The following PCDHA9 variants were observed in gnomAD, a reference collection of about 807,000 sequenced individuals.
PCDHA9 encodes protocadherin alpha-9.
In PCDHA9, 62 loss-of-function variants were observed where a neutral mutation model predicts 62.0. The observed-to-expected ratio is 1.00, with a 90% CI of 0.81 to 1.23. The LOEUF (loss-of-function observed/expected upper bound fraction) is 1.23, where lower values mean the gene tolerates loss of function less well. Ranked by LOEUF, PCDHA9 falls within the 50% of genes most tolerant of loss-of-function variation. The pLI, the probability that PCDHA9 is intolerant of heterozygous loss-of-function variation, is 0.00. For missense variants in PCDHA9, 1,205 were observed against 1,249.8 expected (o/e 0.96, Z 0.54); for synonymous variants, 557 against 567.6 (o/e 0.98, Z 0.27).
chr5:140,929,508 A>C (rs1200880949), intron 1 of PCDHA9: 3 of 831,290 alleles, frequency 3.6e-6, no homozygotes, highest in Non-Finnish European at 5.1e-6. Context: ...CCTAGGCCTC[A>C]AGGGACTTAT....
At chr5:140,884,812 G>C in intron 1 of PCDHA9, 2 of 1,117,104 alleles carry the variant, frequency 1.8e-6, no homozygotes, top group Non-Finnish European at 2.5e-6. Flanking sequence ...ACTCTGCTGT[G>C]GACATTATGT....
chr5:140,875,410 ATACC>A (rs1259407256), intron 1 of PCDHA9: 2 of 1,502,000 alleles, frequency 1.3e-6, no homozygotes, highest in Non-Finnish European at 1.8e-6. Context: ...TGCTCATAAA[ATACC>A]TCAGGCAAGC....
chr5:140,967,779 C>G, intron 1 of PCDHA9: 1 of 1,614,222 alleles, frequency 6.2e-7, no homozygotes, highest in Non-Finnish European at 8.5e-7. Flanking sequence ...GTGCAGGCGA[C>G]TGACCGGGGT....
chr5:140,992,418 A>G (rs2097510878), intron 3 of PCDHA9, among the ~76,000 whole-genome samples: 1 of 152,164 alleles, frequency 6.6e-6, no homozygotes, highest in South Asian at 2.1e-4. Flanking sequence ...CCCCAGGTCT[A>G]AGAATATTGT....
At chr5:140,877,108 G>C in intron 1 of PCDHA9, 1 of 1,613,542 alleles carries the variant, frequency 6.2e-7, no homozygotes. Context: ...GCCGCCTCTG[G>C]GCAGCAACGT....
At chr5:140,870,732 T>A (rs782731773) in intron 1 of PCDHA9, 10 of 1,613,288 alleles carry the variant, frequency 6.2e-6, no homozygotes, top group East Asian at 2.2e-5. Flanking sequence ...GCGTGCCGCC[T>A]CTGAGCAGCA....
At chr5:140,920,323 T>C (rs1448405138) in intron 1 of PCDHA9, among the ~76,000 whole-genome samples, 3 of 152,212 alleles carry the variant, frequency 2.0e-5, no homozygotes, top group Non-Finnish European at 4.4e-5. Context: ...AAATTATATA[T>C]TTATGGCATT....
chr5:141,010,378 A>C lies in PCDHA9; in HGVS notation c.*441A>C. ...GCTACCGCGGGTATGCGAGTGCCAG[A>C]TATTGGCTGAGACGAGCCAGCTTAG... is the stretch of plus-strand genomic sequence containing the variant. On this transcript the variant is annotated 3_prime_UTR_variant, in exon 4 of 4. Coordinates refer to ENST00000532602, the MANE Select transcript of PCDHA9 (RefSeq NM_031857.2). 6.9e-7 allele frequency: 1 copy of C among 1,450,180 alleles called. No individual in the cohort carries two copies. Among genetic ancestry groups the C allele is most frequent in the Non-Finnish European group, 9.2e-7 (1 of 1,092,666 alleles). 89.8% of individuals were successfully genotyped at this position (1,450,180 alleles called of 1,614,324 possible).
intron 1 of PCDHA9, chr5:140,860,894 C>A (rs1220238688): frequency 1.3e-5 from 2 of 152,314 alleles, no homozygotes; most frequent in African/African-American, 2.4e-5. Context: ...CCCGCCAACA[C>A]GCCAGGCTAA....
At chr5:140,934,245 T>C (rs2089728870) in intron 1 of PCDHA9, among the ~76,000 whole-genome samples, 1 of 152,158 alleles carries the variant, frequency 6.6e-6, no homozygotes, top group Non-Finnish European at 1.5e-5. Context: ...ATTGTGGAGA[T>C]TTATCAAAAT....
intron 1 of PCDHA9, among the ~76,000 whole-genome samples, chr5:140,917,117 C>T (rs1318149439): frequency 3.3e-5 from 5 of 152,018 alleles, no homozygotes; most frequent in South Asian, 2.1e-4. Flanking sequence ...CCTCCAAGTG[C>T]GCAGACTCCC....
chr5:140,949,537 C>T (rs1359504503), intron 1 of PCDHA9, among the ~76,000 whole-genome samples: 4 of 151,692 alleles, frequency 2.6e-5, no homozygotes, highest in African/African-American at 7.3e-5. Context: ...CATAAAATAT[C>T]GATTTGTTGC....
intron 1 of PCDHA9, among the ~76,000 whole-genome samples, chr5:140,941,845 C>T (rs2093180727): frequency 6.6e-6 from 1 of 152,160 alleles, no homozygotes. Context: ...GCTGCCATTA[C>T]CTGATATTCC....
intron 3 of PCDHA9, among the ~76,000 whole-genome samples, chr5:141,008,031 T>C (rs566619568): frequency 1.3e-5 from 2 of 152,336 alleles, no homozygotes; most frequent in Admixed American, 6.5e-5. Flanking sequence ...TTCTTGTTAA[T>C]CTGCCTTTTG....
chr5:140,973,493 C>T (rs1050229284), intron 1 of PCDHA9, among the ~76,000 whole-genome samples: 1 of 152,116 alleles, frequency 6.6e-6, no homozygotes, highest in African/African-American at 2.4e-5. Context: ...TCACAGGACT[C>T]TTCTTCTGAG....
At chr5:140,929,213 A>G (rs199608631) in intron 1 of PCDHA9, 6 of 1,613,934 alleles carry the variant, frequency 3.7e-6, no homozygotes, top group Admixed American at 1.7e-5. Context: ...TTGCGTGGGG[A>G]GTACAATGCT....
chr5:140,877,544 C>T (rs782624202), intron 1 of PCDHA9: 2 of 1,613,794 alleles, frequency 1.2e-6, no homozygotes, highest in Non-Finnish European at 1.7e-6. Context: ...GATCCCGAAG[C>T]GGCTCTGGTG....
intron 1 of PCDHA9, chr5:140,884,308 G>C: frequency 6.2e-7 from 1 of 1,613,766 alleles, no homozygotes; most frequent in Non-Finnish European, 8.5e-7. Flanking sequence ...AGGCTTCGTC[G>C]AGGGCGTCGG....
intron 1 of PCDHA9, chr5:140,883,531 T>C (rs782406173): frequency 6.8e-6 from 11 of 1,614,092 alleles, no homozygotes; most frequent in Middle Eastern, 1.6e-4. Flanking sequence ...TATCAGCCTA[T>C]GAACTGGTGG....
Sources: gnomAD v4.1 joint callset for allele counts (sites outside exome capture counted in the v4.1 genomes callset) on GRCh38, gnomAD v4.1.1 for gene constraint, MANE v1.5 for transcripts, NCBI Gene and HGNC (gene_info 2026-07-23, HGNC 2026-07-21) for gene names.